The following CNOT6L variants were observed in gnomAD, a reference collection of about 807,000 sequenced individuals.
CNOT6L encodes CCR4-NOT transcription complex subunit 6 like.
CNOT6L carries 7 observed loss-of-function variants against 64.0 expected under a neutral mutation model. The ratio of observed to expected loss-of-function variants is 0.11; its 90% CI spans 0.06 to 0.21. The LOEUF is 0.21. Among genes scored for constraint, CNOT6L ranks in the 10% least tolerant of loss-of-function variants. CNOT6L has a pLI of 1.00. For missense variants in CNOT6L, 245 were observed against 669.0 expected (o/e 0.37, Z 6.99); for synonymous variants, 193 against 243.4 (o/e 0.79, Z 1.93).
At chr4:77,768,339 C>A (rs1438674138) in intron 4 of CNOT6L, among the ~76,000 whole-genome samples, 2 of 151,458 alleles carry the variant, frequency 1.3e-5, no homozygotes, top group African/African-American at 4.9e-5. Context: ...GTGATGCACG[C>A]CTGTAAATCC....
intron 5 of CNOT6L, among the ~76,000 whole-genome samples, chr4:77,754,888 T>TAAAAAAATAAAAAAA (rs1725295173): frequency 2.7e-5 from 1 of 36,956 alleles, no homozygotes; most frequent in Non-Finnish European, 4.7e-5. Flanking sequence ...ACATTAGAAG[T>TAAAAAAATAAAAAAA]AAAAAAAAAA....
intron 5 of CNOT6L, among the ~76,000 whole-genome samples, chr4:77,753,205 A>AC (rs1270456449): frequency 6.7e-6 from 1 of 148,916 alleles, no homozygotes; most frequent in Non-Finnish European, 1.5e-5. Context: ...AAAAAAAAAA[A>AC]CCCAGAAAGA....
chr4:77,739,286 C>CT (rs1364217836), intron 8 of CNOT6L, among the ~76,000 whole-genome samples: 1 of 152,158 alleles, frequency 6.6e-6, no homozygotes, highest in Admixed American at 6.5e-5. Flanking sequence ...ACTCTGATTA[C>CT]AGAAGAAAGA....
At chr4:77,742,591 A>ACTTC in intron 7 of CNOT6L, 2 of 342,404 alleles carry the variant, frequency 5.8e-6, no homozygotes, top group South Asian at 6.1e-5. Context: ...ATTATACTTT[A>ACTTC]CTTCCTCAAG....
chr4:77,793,921 C>T (rs115991167), intron 1 of CNOT6L, among the ~76,000 whole-genome samples: 2,230 of 151,818 alleles, frequency 0.015, 59 homozygotes, highest in African/African-American at 0.051. Flanking sequence ...GAAGCTGCGG[C>T]GGGTAGATCA....
intron 8 of CNOT6L, among the ~76,000 whole-genome samples, chr4:77,732,801 G>T (rs1207852959): frequency 2.0e-5 from 3 of 152,092 alleles, no homozygotes; most frequent in Non-Finnish European, 4.4e-5. Context: ...AAGTTTATGT[G>T]TTAGAAAAGA....
intron 1 of CNOT6L, among the ~76,000 whole-genome samples, chr4:77,779,075 A>AC (rs1728536292): frequency 2.7e-5 from 1 of 37,590 alleles, no homozygotes; most frequent in Non-Finnish European, 6.3e-5. Context: ...AAAAAAAAAC[A>AC]CAAAAAACAC....
At chr4:77,760,860 CTTTTTTTT>C (rs754195745) in intron 4 of CNOT6L, among the ~76,000 whole-genome samples, 27 of 29,982 alleles carry the variant, frequency 9.0e-4, no homozygotes, top group Admixed American at 2.0e-3. Context: ...CCATGCCTGG[CTTTTTTTT>C]TTTTTTTTTT....
chr4:77,790,795 C>T (rs926156961), intron 1 of CNOT6L, among the ~76,000 whole-genome samples: 30 of 151,100 alleles, frequency 2.0e-4, no homozygotes, highest in African/African-American at 7.0e-4. Flanking sequence ...ATTACAGGTG[C>T]CCACCACTGC....
At position 77,720,293 on chromosome 4, in the gene CNOT6L, A is replaced by G; in HGVS notation, c.*138T>C. 1 of 903,390 alleles carries G rather than the reference A, an allele frequency of 1.1e-6. No homozygotes were observed. The highest frequency in any genetic ancestry group is 1.7e-6 in the Non-Finnish European group (1 of 595,068). 56.0% of individuals were successfully genotyped at this position (903,390 alleles called of 1,614,324 possible). A position where few individuals can be genotyped will look rare whatever the true frequency, so the allele number is the denominator to read the frequency against. The stretch of plus-strand genomic sequence containing the variant: ...ATACCAATATGCACAAAAATGTACA[A>G]AGTCTTACAGCAAACACATAATGAA... On this transcript the variant is annotated 3_prime_UTR_variant, in exon 12 of 12. Transcript: ENST00000504123.
At chr4:77,773,023 G>T in intron 4 of CNOT6L, 58 bp downstream of exon 4, 1 of 1,107,156 alleles carries the variant, frequency 9.0e-7, no homozygotes, top group Non-Finnish European at 1.3e-6. Context: ...CCTTTTTAAA[G>T]GCCAAAATGC....
intron 4 of CNOT6L, among the ~76,000 whole-genome samples, chr4:77,765,673 TCTA>T (rs1354820148): frequency 2.6e-5 from 4 of 152,174 alleles, no homozygotes; most frequent in Non-Finnish European, 4.4e-5. Context: ...GGAGAATCAG[TCTA>T]CTATGGGCCT....
rs1410109706 is a variant in CNOT6L at position 77,744,773 on chromosome 4, T to A, written c.662A>T (p.Lys221Ile). ...PSWALNWEYRKKGIMEEIVNC... is the reference protein window; with the variant it reads ...PSWALNWEYRIKGIMEEIVNC... ...AACAATTTCTTCCATAATTCCCTTT[T>A]TCCTGTATTCCCAGTTTAATGCCCA... The change falls in exon 7 of 12, where the codon AAA (lysine) becomes ATA (isoleucine). Residue 221 changes from lysine to isoleucine, a missense_variant. Lys to Ile is a moderately radical substitution (Grantham distance 102). Around this residue, in one of 10 missense-constraint regions of CNOT6L, gnomAD observed 94 missense variants for 290.9 expected, o/e 0.32. Coordinates refer to ENST00000504123, the MANE Select transcript of CNOT6L (RefSeq NM_144571.3). The A allele has an allele frequency of 6.2e-7, 1 of 1,613,546 alleles. No individual in the cohort carries two copies. The highest frequency in any genetic ancestry group is 8.5e-7 in the Non-Finnish European group (1 of 1,179,690).
chr4:77,738,750 T>C (rs1368400521), intron 8 of CNOT6L, among the ~76,000 whole-genome samples: 3 of 15,344 alleles, frequency 2.0e-4, no homozygotes, highest in Non-Finnish European at 5.1e-4. Flanking sequence ...TGAAACTCCG[T>C]CTCAAAAAAA....
At chr4:77,794,808 T>A (rs1354482596) in intron 1 of CNOT6L, among the ~76,000 whole-genome samples, 1 of 152,074 alleles carries the variant, frequency 6.6e-6, no homozygotes, top group Non-Finnish European at 1.5e-5. Flanking sequence ...ATAAAAGTCA[T>A]GGAGACTGGA....
At chr4:77,725,909 A>T (rs1286380879) in intron 11 of CNOT6L, among the ~76,000 whole-genome samples, 1 of 152,136 alleles carries the variant, frequency 6.6e-6, no homozygotes, top group Admixed American at 6.6e-5. Context: ...AGTGCCTGGT[A>T]CCTAGTGAGC....
intron 4 of CNOT6L, among the ~76,000 whole-genome samples, chr4:77,767,485 T>C (rs1726977037): frequency 6.6e-6 from 1 of 152,108 alleles, no homozygotes; most frequent in Non-Finnish European, 1.5e-5. Flanking sequence ...TGGTACAAGG[T>C]TAGACAAATT....
In CNOT6L at chr4:77,803,972, A is replaced by G. The variant is rs1731921608; in HGVS notation, c.5+15332T>C. 2.0e-5 allele frequency among the ~76,000 whole-genome samples: 3 copies of G among 152,144 alleles called. No homozygotes were observed. In the South Asian group the frequency reaches 6.2e-4, roughly 32 times the overall value. On this transcript the variant is annotated intron_variant, in intron 1 of 11. Transcript: ENST00000504123. ...GCTGCTACTGTGGAAAAGTTTGTCA[A>G]TTCCTCAAAAAGTTAAAACACAGAA...
rs1331299909 is a variant in CNOT6L, at chr4:77,752,933, T to C, written c.490+3929A>G. 3.3e-5 allele frequency among the ~76,000 whole-genome samples: 5 copies of C among 151,742 alleles called. No homozygotes were observed. In the East Asian group the frequency reaches 7.7e-4, roughly 23 times the overall value. On this transcript the variant is annotated intron_variant, in intron 5 of 11. Coordinates refer to ENST00000504123, the MANE Select transcript of CNOT6L (RefSeq NM_144571.3). ...TGGTTCTTCTTTTCAAAGAAAATAT[T>C]AATAAATGCCTGCATAATTTATCAT...
Sources: gnomAD v4.1 joint callset for allele counts (sites outside exome capture counted in the v4.1 genomes callset) on GRCh38, gnomAD v4.1.1 for gene constraint, gnomAD v4.1.1 regional missense constraint, MANE v1.5 for transcripts, NCBI Gene and HGNC (gene_info 2026-07-23, HGNC 2026-07-21) for gene names.